Variants in COL4A2 observed in about 807,000 individuals in gnomAD.
COL4A2 encodes collagen type IV alpha 2 chain.
COL4A2 carries 99 observed loss-of-function variants against 200.2 expected under a neutral mutation model. That is an observed-to-expected ratio of 0.49 (90% CI 0.42 to 0.58). The LOEUF is 0.58. Among genes scored for constraint, COL4A2 ranks in the 20% least tolerant of loss-of-function variants. COL4A2 has a pLI of 0.00. For missense variants in COL4A2, 1,950 were observed against 2,314.1 expected, an observed-to-expected ratio of 0.84 and a Z score of 3.23; for synonymous variants, 897 against 900.6, an observed-to-expected ratio of 1.00 and a Z score of 0.07.
At chr13:110,317,069 GAC>G (rs1182051491) in intron 3 of COL4A2, among the ~76,000 whole-genome samples, 3 of 149,970 alleles carry the variant, frequency 2.0e-5, no homozygotes, top group African/African-American at 4.9e-5. Context: ...GGCACACGTA[GAC>G]ACACACATGC....
At chr13:110,353,750 G>GT (rs1390563184) in intron 3 of COL4A2, among the ~76,000 whole-genome samples, 1 of 152,208 alleles carries the variant, frequency 6.6e-6, no homozygotes, top group African/African-American at 2.4e-5. Flanking sequence ...TGGAGGACAG[G>GT]TAAGATGTCA....
intron 4 of COL4A2, among the ~76,000 whole-genome samples, chr13:110,372,004 G>GCT (rs1351010028): frequency 2.0e-5 from 3 of 151,762 alleles, no homozygotes; most frequent in Admixed American, 6.6e-5. Flanking sequence ...ACCCTGAGGA[G>GCT]CTGGGAGATT....
chr13:110,388,812 C>T (rs1878872622), intron 4 of COL4A2, among the ~76,000 whole-genome samples: 1 of 152,192 alleles, frequency 6.6e-6, no homozygotes, highest in Non-Finnish European at 1.5e-5. Context: ...GTCTCCACTG[C>T]TTCCGGGACC....
chr13:110,493,826 G>GA (rs934784918), intron 39 of COL4A2, among the ~76,000 whole-genome samples: 4 of 151,880 alleles, frequency 2.6e-5, no homozygotes, highest in Non-Finnish European at 5.9e-5. Flanking sequence ...TTCTGGGGGG[G>GA]GCCGCGTCCT....
chr13:110,417,188 C>T (rs1241736862), intron 4 of COL4A2, among the ~76,000 whole-genome samples: 1 of 152,196 alleles, frequency 6.6e-6, no homozygotes, highest in African/African-American at 2.4e-5. Flanking sequence ...ACCATGTTGG[C>T]CAGTGATCCG....
chr13:110,498,874 T>A (rs1445226502), intron 40 of COL4A2, among the ~76,000 whole-genome samples: 2 of 152,154 alleles, frequency 1.3e-5, no homozygotes, highest in Non-Finnish European at 1.5e-5. Flanking sequence ...ACCTGGACGG[T>A]GTCCCCGGCT....
At chr13:110,445,458 C>T (rs1020629190) in intron 16 of COL4A2, among the ~76,000 whole-genome samples, 4 of 152,210 alleles carry the variant, frequency 2.6e-5, no homozygotes, top group Non-Finnish European at 4.4e-5. Context: ...GATTGTACAA[C>T]ACCACGGGGG....
intron 3 of COL4A2, among the ~76,000 whole-genome samples, chr13:110,345,542 C>T (rs1454062705): frequency 6.6e-6 from 1 of 152,118 alleles, no homozygotes; most frequent in Non-Finnish European, 1.5e-5. Context: ...ACCAGCCACT[C>T]ACCTGGGAAA....
chr13:110,450,530 G>A, intron 20 of COL4A2, 76 bp downstream of exon 20: 1 of 1,547,792 alleles, frequency 6.5e-7, no homozygotes, highest in Admixed American at 1.8e-5. Flanking sequence ...ATGTTATTTG[G>A]GATTCTCTGC....
chr13:110,416,089 C>T (rs954398521), intron 4 of COL4A2, among the ~76,000 whole-genome samples: 6 of 152,236 alleles, frequency 3.9e-5, no homozygotes, highest in African/African-American at 1.4e-4. Flanking sequence ...TAGTTGCCGC[C>T]TATGCTAATT....
At chr13:110,436,592 T>C (rs1880896636) in intron 13 of COL4A2, among the ~76,000 whole-genome samples, 1 of 151,408 alleles carries the variant, frequency 6.6e-6, no homozygotes, top group Admixed American at 6.6e-5. Flanking sequence ...ATCTCAATTC[T>C]GATGAATCTG....
intron 4 of COL4A2, among the ~76,000 whole-genome samples, chr13:110,406,028 T>A (rs989272287): frequency 6.6e-6 from 1 of 152,228 alleles, no homozygotes; most frequent in South Asian, 2.1e-4. Context: ...GCCGCCTGGA[T>A]TCTTTCCTGG....
Position 110,445,814 on chromosome 13 carries a change from A to G in COL4A2, c.958-15A>G, listed in dbSNP as rs376042037. ...CATCAGAGACAAAAATTAAAAGCAA[A>G]TATCTTTCTTGCAGGGAAGCCGAGG... On this transcript the variant is annotated splice_polypyrimidine_tract_variant and intron_variant, in intron 16 of 47. Coordinates refer to ENST00000360467, the MANE Select transcript of COL4A2 (RefSeq NM_001846.4). The G allele has an allele frequency of 1.5e-5, 24 of 1,614,058 alleles. No individual in the cohort carries two copies. In the African/African-American group the frequency reaches 2.4e-4, roughly 16 times the overall value.
chr13:110,430,497 G>T, intron 9 of COL4A2, 48 bp from the exon 10 acceptor site: 1 of 1,614,178 alleles, frequency 6.2e-7, no homozygotes, highest in Non-Finnish European at 8.5e-7. Flanking sequence ...AGAACTCCAA[G>T]TACCAGTTTA....
At chr13:110,472,468 GTT>G (rs1476547412) in intron 28 of COL4A2, among the ~76,000 whole-genome samples, 1 of 152,104 alleles carries the variant, frequency 6.6e-6, no homozygotes, top group Admixed American at 6.5e-5. Flanking sequence ...ACAGTGACGG[GTT>G]TCTACCAGGG....
At position 110,357,493 on chromosome 13, in the gene COL4A2, C is replaced by T. The variant is rs540581830; in HGVS notation, c.121C>T (p.Pro41Ser). The T allele has an allele frequency of 5.6e-6, 9 of 1,593,914 alleles. No individual in the cohort carries two copies. The African/African-American group carries it at 9.4e-5, about 17-fold the overall frequency. The change falls in exon 4 of 48, where the codon CCG becomes TCG. Residue 41 changes from proline to serine, a missense_variant. Transcript: ENST00000360467. ...VLAGVKKFDV[P>S]CGGRDCSGGC... is the part of the protein sequence containing the mutation. ...GCAGGGTGTGAAGAAGTTTGATGTG[C>T]CGTGTGGAGGAAGAGATTGCAGTGG...
At chr13:110,416,348 A>G (rs1386452137) in intron 4 of COL4A2, among the ~76,000 whole-genome samples, 1 of 152,248 alleles carries the variant, frequency 6.6e-6, no homozygotes, top group Non-Finnish European at 1.5e-5. Flanking sequence ...AGGGCCCTGA[A>G]CTCATCCACA....
In COL4A2 at chr13:110,445,822, C is replaced by A; in HGVS notation, c.958-7C>A. Reference sequence around the variant, plus strand: ...ACAAAAATTAAAAGCAAATATCTTTCTTGCAGGGAAGCCGAGGCCTGGATG... The same window carrying A: ...ACAAAAATTAAAAGCAAATATCTTTATTGCAGGGAAGCCGAGGCCTGGATG... On this transcript the variant is annotated splice_polypyrimidine_tract_variant and splice_region_variant and intron_variant, in intron 16 of 47. Coordinates refer to ENST00000360467, the MANE Select transcript of COL4A2 (RefSeq NM_001846.4). The A allele has an allele frequency of 1.2e-6, 2 of 1,614,160 alleles. No individual in the cohort carries two copies. Among genetic ancestry groups the A allele is most frequent in the Admixed American group, 1.7e-5 (1 of 60,024 alleles).
intron 20 of COL4A2, chr13:110,456,712 C>T (rs189304849): frequency 3.4e-5 from 16 of 469,622 alleles, no homozygotes; most frequent in Non-Finnish European, 6.6e-5. Flanking sequence ...GGACACCAGG[C>T]GTCTCTGTGG....
Sources: allele counts gnomAD v4.1 joint callset (sites outside exome capture counted in the v4.1 genomes callset), GRCh38; gene constraint gnomAD v4.1.1; transcripts MANE v1.5; gene names NCBI Gene and HGNC (gene_info 2026-07-23, HGNC 2026-07-21).